MALRD1: variants seen among roughly 807,000 people sequenced by gnomAD.
MALRD1 encodes the protein MAM and LDL receptor class A domain containing 1, also known as MAM and LDL-receptor class A domain-containing protein 1.
Under a neutral mutation model 242.1 loss-of-function variants are expected in MALRD1, and 247 were observed. The ratio of observed to expected loss-of-function variants is 1.02; its 90% CI spans 0.92 to 1.13. MALRD1 has a LOEUF of 1.13. MALRD1 is among the 50% of genes most tolerant of loss of function. The pLI is 0.00. For missense variants in MALRD1, 2,989 were observed against 2,533.1 expected (o/e 1.18, Z -3.86); for synonymous variants, 995 against 866.6 (o/e 1.15, Z -2.60).
rs1011237193 is a variant in MALRD1 at position 19,204,883 on chromosome 10, T to C, written c.2211-15T>C. On this transcript the variant is annotated splice_polypyrimidine_tract_variant and intron_variant, in intron 16 of 39. Coordinates refer to ENST00000454679, the MANE Select transcript of MALRD1 (RefSeq NM_001142308.3). ...CTATAAATCACTTCCATTTCTTACG[T>C]TTACTCTTTTTTAGGTTCTATAACT... 3.9e-6 allele frequency: 6 copies of C among 1,524,888 alleles called. No individual in the cohort carries two copies. Among genetic ancestry groups the C allele is most frequent in the Non-Finnish European group, 5.3e-6 (6 of 1,133,080 alleles). 94.5% of individuals were successfully genotyped at this position (1,524,888 alleles called of 1,614,324 possible).
intron 21 of MALRD1, among the ~76,000 whole-genome samples, chr10:19,284,260 TTTC>T (rs1840981850): frequency 6.6e-6 from 1 of 152,174 alleles, no homozygotes; most frequent in Admixed American, 6.5e-5. Context: ...TTTTTTTTTT[TTTC>T]ATTATACTTT....
At chr10:19,326,280 A>T (rs1843133510) in intron 22 of MALRD1, among the ~76,000 whole-genome samples, 1 of 152,104 alleles carries the variant, frequency 6.6e-6, no homozygotes, top group Non-Finnish European at 1.5e-5. Flanking sequence ...TGGGGTTAAG[A>T]TTGATGATGT....
At chr10:19,294,088 A>G (rs1841577463) in intron 21 of MALRD1, among the ~76,000 whole-genome samples, 2 of 152,190 alleles carry the variant, frequency 1.3e-5, no homozygotes, top group Non-Finnish European at 2.9e-5. Context: ...ATGTTACCAA[A>G]GATCACAGCA....
intron 7 of MALRD1, among the ~76,000 whole-genome samples, chr10:19,127,532 A>G (rs1837320416): frequency 6.6e-6 from 1 of 152,214 alleles, no homozygotes; most frequent in South Asian, 2.1e-4. Flanking sequence ...TTTCAGTAGC[A>G]TGAAGAAGCA....
intron 31 of MALRD1, among the ~76,000 whole-genome samples, chr10:19,517,096 A>G (rs914373980): frequency 1.3e-5 from 2 of 152,198 alleles, no homozygotes; most frequent in African/African-American, 4.8e-5. Flanking sequence ...GGAAAAACAG[A>G]ACTAATTCTA....
At chr10:19,233,309 C>T (rs1326200772) in intron 18 of MALRD1, among the ~76,000 whole-genome samples, 1 of 152,134 alleles carries the variant, frequency 6.6e-6, no homozygotes, top group Non-Finnish European at 1.5e-5. Context: ...TGAGAACAGC[C>T]TGGCCAACAT....
intron 14 of MALRD1, among the ~76,000 whole-genome samples, chr10:19,188,000 CT>C (rs1835812076): frequency 6.6e-6 from 1 of 152,188 alleles, no homozygotes; most frequent in Non-Finnish European, 1.5e-5. Context: ...AAATCACAAT[CT>C]CTAGGGTAGA....
chr10:19,641,584 G>A (rs778516471), intron 36 of MALRD1, among the ~76,000 whole-genome samples: 1 of 152,074 alleles, frequency 6.6e-6, no homozygotes, highest in Non-Finnish European at 1.5e-5. Flanking sequence ...TATCATGGGA[G>A]GCAACATATA....
chr10:19,713,616 C>A (rs1330558588), intron 38 of MALRD1, among the ~76,000 whole-genome samples: 1 of 152,156 alleles, frequency 6.6e-6, no homozygotes, highest in African/African-American at 2.4e-5. Flanking sequence ...ACAAAGACAG[C>A]AGTACTGCAA....
At chr10:19,448,398 C>G (rs1186259832) in intron 28 of MALRD1, among the ~76,000 whole-genome samples, 1 of 152,082 alleles carries the variant, frequency 6.6e-6, no homozygotes, top group Non-Finnish European at 1.5e-5. Context: ...GGAATATTAA[C>G]TGGGAACTAA....
intron 19 of MALRD1, among the ~76,000 whole-genome samples, chr10:19,269,927 G>A (rs979317325): frequency 1.3e-5 from 2 of 152,076 alleles, no homozygotes; most frequent in South Asian, 2.1e-4. Flanking sequence ...TGAACTCATC[G>A]GTCTCTCTTT....
At chr10:19,730,894 A>C in intron 39 of MALRD1, 113 bp downstream of exon 39, 2 of 992,634 alleles carry the variant, frequency 2.0e-6, no homozygotes, top group South Asian at 3.1e-5. Context: ...ATCATAACTA[A>C]AAGAAATGTT....
chr10:19,654,109 G>T (rs1204728373), intron 36 of MALRD1, among the ~76,000 whole-genome samples: 3 of 152,144 alleles, frequency 2.0e-5, no homozygotes, highest in Non-Finnish European at 4.4e-5. Context: ...GGGAGCAGAT[G>T]AATTTGTGAT....
At chr10:19,728,734 C>G (rs916453568) in intron 38 of MALRD1, among the ~76,000 whole-genome samples, 5 of 152,128 alleles carry the variant, frequency 3.3e-5, no homozygotes, top group African/African-American at 9.7e-5. Context: ...ACTTCCATGT[C>G]CAATTTTTCC....
intron 38 of MALRD1, among the ~76,000 whole-genome samples, chr10:19,729,305 C>T (rs969193636): frequency 6.6e-6 from 1 of 152,182 alleles, no homozygotes; most frequent in Non-Finnish European, 1.5e-5. Flanking sequence ...GTAAGAGCCC[C>T]CTTCTTGCTA....
In MALRD1 at chr10:19,066,871, A is replaced by C. The variant is rs1281372752; in HGVS notation, c.340+12A>C. On this transcript the variant is annotated intron_variant, in intron 2 of 39. Transcript: ENST00000454679. ...TGGTGATGTGTCTGGTAAATGCTTT[A>C]AATTTATTTTCTCCCCTCTCTCCCT... 2 of 1,233,120 alleles carry C rather than the reference A, an allele frequency of 1.6e-6. No individual in the cohort carries two copies. Among genetic ancestry groups the C allele is most frequent in the Non-Finnish European group, 2.0e-6 (2 of 987,762 alleles). 76.4% of individuals were successfully genotyped at this position (1,233,120 alleles called of 1,614,324 possible).
chr10:19,399,395 AC>A (rs1262727583), intron 28 of MALRD1, among the ~76,000 whole-genome samples: 7 of 151,998 alleles, frequency 4.6e-5, no homozygotes, highest in African/African-American at 1.7e-4. Context: ...TGTTTGTAGA[AC>A]TCGTTTAAGT....
At chr10:19,280,656 G>A (rs1166546005) in intron 20 of MALRD1, among the ~76,000 whole-genome samples, 1 of 152,162 alleles carries the variant, frequency 6.6e-6, no homozygotes, top group Non-Finnish European at 1.5e-5. Context: ...AATATGCAGA[G>A]TTCATGAGAA....
At chr10:19,367,695 G>A (rs959283935) in intron 26 of MALRD1, among the ~76,000 whole-genome samples, 7 of 151,998 alleles carry the variant, frequency 4.6e-5, no homozygotes, top group African/African-American at 7.2e-5. Flanking sequence ...ACTGTTCTTC[G>A]TAGTGGCTGC....
Sources: allele counts gnomAD v4.1 joint callset (sites outside exome capture counted in the v4.1 genomes callset), GRCh38; gene constraint gnomAD v4.1.1; transcripts MANE v1.5; gene names NCBI Gene and HGNC (gene_info 2026-07-23, HGNC 2026-07-21).